Variants in ZNF721 observed in about 807,000 individuals in gnomAD.
ZNF721 encodes zinc finger protein 721.
In ZNF721, 2 loss-of-function variants were observed where a neutral mutation model predicts 2.4. The observed-to-expected ratio is 0.82, with a 90% CI of 0.34 to 2.58. ZNF721 has a LOEUF of 2.58. ZNF721 is among the 30% of genes most tolerant of loss of function. The pLI is 0.11. For missense variants in ZNF721, 1,187 were observed against 1,085.5 expected (o/e 1.09, Z -1.31); for synonymous variants, 398 against 381.8 (o/e 1.04, Z -0.50).
chr4:453,269 C>T (rs1553865012), intron 2 of ZNF721, among the ~76,000 whole-genome samples: 1 of 152,232 alleles, frequency 6.6e-6, no homozygotes, highest in African/African-American at 2.4e-5. Context: ...CAGTTGTATA[C>T]CAACTCTTGG....
intron 1 of ZNF721, among the ~76,000 whole-genome samples, chr4:489,947 C>T (rs565740200): frequency 6.6e-6 from 1 of 152,198 alleles, no homozygotes; most frequent in East Asian, 2.0e-4. Context: ...GCAACCTCTG[C>T]CTCCAGGATT....
chr4:453,801 A>T (rs190312601), intron 2 of ZNF721: 1 of 152,348 alleles, frequency 6.6e-6, no homozygotes, highest in East Asian at 1.9e-4. Context: ...TTGCAATCCA[A>T]CCTGAACTTC....
chr4:474,250 ACGCC>A, intron 1 of ZNF721: 2 of 360,314 alleles, frequency 5.6e-6, no homozygotes, highest in Admixed American at 7.6e-5. Context: ...TCCAGGCTTC[ACGCC>A]CTCAGGCTTT....
In ZNF721 at chr4:444,339, C is replaced by A; in HGVS notation, c.128G>T (p.Gly43Val). 6.2e-7 allele frequency: 1 copy of A among 1,614,024 alleles called. No homozygotes were observed. The highest frequency in any genetic ancestry group is 8.5e-7 in the Non-Finnish European group (1 of 1,179,990). The change falls in exon 3 of 3, where the codon GGG becomes GTG. Residue 43 changes from glycine to valine, a missense_variant. Coordinates refer to ENST00000511833, the MANE Select transcript of ZNF721 (RefSeq NM_133474.4). ...KLILRRYEKC[G>V]HDNLQLRKGC... ...TTTCCTTAATTGTAAATTATCATGC[C>A]CACATTTCTCATATCTTCTCAGTAT...
rs1442579212 is a variant in ZNF721, at chr4:492,526, TAA to T, written c.-94+6528_-94+6529del. 9.2e-5 allele frequency among the ~76,000 whole-genome samples: 14 copies of T among 151,970 alleles called. 1 individual carries two copies. The highest frequency in any genetic ancestry group is 3.4e-4 in the African/African-American group (14 of 41,536). On this transcript the variant is annotated intron_variant, in intron 1 of 2. Coordinates refer to ENST00000511833, the MANE Select transcript of ZNF721 (RefSeq NM_133474.4). ...TTTTTCTAACAAATAATTTAGTGTA[TAA>T]GTGTTTTTTTACACCAAGCCCAATC...
At chr4:465,435 G>GTT (rs144460748) in intron 2 of ZNF721, among the ~76,000 whole-genome samples, 4 of 139,002 alleles carry the variant, frequency 2.9e-5, no homozygotes, top group Non-Finnish European at 3.1e-5. Flanking sequence ...TTTGTTTTTT[G>GTT]TTTTTTTTTT....
chr4:457,485 T>C (rs1553865534), intron 2 of ZNF721, among the ~76,000 whole-genome samples: 1 of 152,172 alleles, frequency 6.6e-6, no homozygotes, highest in African/African-American at 2.4e-5. Context: ...TGTAGACCAT[T>C]TGGTTTTGTT....
At chr4:457,634 G>A (rs1397957406) in intron 2 of ZNF721, among the ~76,000 whole-genome samples, 2 of 152,124 alleles carry the variant, frequency 1.3e-5, no homozygotes, top group Non-Finnish European at 2.9e-5. Flanking sequence ...TCATGGTGTG[G>A]AAGAAATCCT....
At chr4:490,157 C>T (rs140416248) in intron 1 of ZNF721, among the ~76,000 whole-genome samples, 1,829 of 148,318 alleles carry the variant, frequency 0.012, 13 homozygotes, top group Middle Eastern at 0.041. Context: ...CGTGCCCGGC[C>T]AACATTTTGG....
At chr4:463,312 T>C (rs1715127660) in intron 2 of ZNF721, among the ~76,000 whole-genome samples, 1 of 151,928 alleles carries the variant, frequency 6.6e-6, no homozygotes, top group African/African-American at 2.4e-5. Flanking sequence ...TTGGTGGGAG[T>C]GTAAGTTAGT....
chr4:486,562 G>T (rs1715902767), intron 1 of ZNF721, among the ~76,000 whole-genome samples: 1 of 152,152 alleles, frequency 6.6e-6, no homozygotes, highest in Non-Finnish European at 1.5e-5. Context: ...TACTCTGCTG[G>T]TCGGCTAAAT....
Position 441,783 on chromosome 4 carries a change from C to A in ZNF721, c.2684G>T (p.Cys895Phe), listed in dbSNP as rs1714245929. ...KIHTGEKPYT[C>F]GDCGKTFRQS... ...TCTAAAGGTTTTGCCACAGTCTCCA[C>A]ACGTGTAGGGTTTCTCTCCAGTATG... is the stretch of plus-strand genomic sequence containing the variant. Residue 895 changes from cysteine (C) to phenylalanine (F), a missense_variant, in exon 3 of 3, where the codon TGT becomes TTT. By Grantham distance (205) the Cys-to-Phe change is radical. Coordinates refer to ENST00000511833, the MANE Select transcript of ZNF721 (RefSeq NM_133474.4). The A allele has an allele frequency of 1.9e-6, 3 of 1,613,628 alleles. No individual in the cohort carries two copies. Among genetic ancestry groups the A allele is most frequent in the East Asian group, 2.2e-5 (1 of 44,860 alleles).
chr4:442,918 T>C lies in ZNF721; in HGVS notation c.1549A>G (p.Thr517Ala). 6.2e-7 allele frequency: 1 copy of C among 1,613,800 alleles called. No homozygotes were observed. The highest frequency in any genetic ancestry group is 8.5e-7 in the Non-Finnish European group (1 of 1,179,886). The change falls in exon 3 of 3, where the codon ACT becomes GCT. Residue 517 changes from threonine to alanine, a missense_variant. Transcript: ENST00000511833. ...CCAGTATGAATTCTCCTATGTTTAGTAAGGGTTGTGGAACTAGTAAACGCT... is the reference window on the plus strand; with the variant it reads ...CCAGTATGAATTCTCCTATGTTTAGCAAGGGTTGTGGAACTAGTAAACGCT... ...GKAFTSSTTL[T>A]KHRRIHTGEK...
intron 1 of ZNF721, among the ~76,000 whole-genome samples, chr4:480,228 T>C (rs1385989735): frequency 1.3e-5 from 2 of 152,238 alleles, no homozygotes; most frequent in African/African-American, 4.8e-5. Flanking sequence ...TGTTCTTGGC[T>C]TGTGCTGAAG....
intron 1 of ZNF721, among the ~76,000 whole-genome samples, chr4:477,301 T>C (rs1715650950): frequency 7.1e-6 from 1 of 141,810 alleles, no homozygotes; most frequent in Non-Finnish European, 1.5e-5. Context: ...CGTCTCACTC[T>C]GTATGGGCTC....
chr4:463,037 A>C (rs1040565156), intron 2 of ZNF721, among the ~76,000 whole-genome samples: 9 of 152,210 alleles, frequency 5.9e-5, no homozygotes, highest in African/African-American at 1.9e-4. Flanking sequence ...AGAAACTACA[A>C]AGAACTTAAA....
chr4:485,997 AATAG>A lies in ZNF721; in HGVS notation c.-94+13055_-94+13058del, dbSNP rs200853635. On this transcript the variant is annotated intron_variant, in intron 1 of 2. Coordinates refer to ENST00000511833, the MANE Select transcript of ZNF721 (RefSeq NM_133474.4). ...TAAAAAATAAATAAATAAATAAATA[AATAG>A]ATAGATTCTGGCTTAATTATTCCGT... 8.7e-3 allele frequency among the ~76,000 whole-genome samples: 1,323 copies of A among 151,936 alleles called. 17 individuals carry two copies. The highest frequency in any genetic ancestry group is 0.029 in the African/African-American group (1,212 of 41,474).
chr4:469,142 C>A (rs1210123492), intron 2 of ZNF721, among the ~76,000 whole-genome samples: 6 of 152,014 alleles, frequency 3.9e-5, no homozygotes, highest in Non-Finnish European at 8.8e-5. Flanking sequence ...ACTCTGAGGC[C>A]CAGGCTCATC....
chr4:472,685 C>CT lies in ZNF721; in HGVS notation c.-78dup. The stretch of plus-strand genomic sequence containing the variant: ...TGGAGAGAATTCTATGGCCACATCC[C>CT]TGAATGTTAAGGGTTCCTGAAAATA... On this transcript the variant is annotated 5_prime_UTR_variant, in exon 2 of 3. Coordinates refer to ENST00000511833, the MANE Select transcript of ZNF721 (RefSeq NM_133474.4). 1 of 1,612,594 alleles carries CT rather than the reference C, an allele frequency of 6.2e-7. No individual in the cohort carries two copies.
Sources: allele counts gnomAD v4.1 joint callset (sites outside exome capture counted in the v4.1 genomes callset), GRCh38; gene constraint gnomAD v4.1.1; transcripts MANE v1.5; gene names NCBI Gene and HGNC (gene_info 2026-07-23, HGNC 2026-07-21).